The following ST6GALNAC3 variants were observed in gnomAD, a reference collection of about 807,000 sequenced individuals.
The protein encoded by ST6GALNAC3 is ST6 N-acetylgalactosaminide alpha-2,6-sialyltransferase 3.
ST6GALNAC3 carries 25 observed loss-of-function variants against 32.7 expected under a neutral mutation model. That is an observed-to-expected ratio of 0.76 (90% CI 0.56 to 1.07). The LOEUF (loss-of-function observed/expected upper bound fraction) is 1.07, where lower values mean the gene tolerates loss of function less well. Ranked by LOEUF, ST6GALNAC3 falls within the 50% of genes least tolerant of loss-of-function variation. ST6GALNAC3 has a pLI of 0.00. For missense variants in ST6GALNAC3, 355 were observed against 382.4 expected (o/e 0.93, Z 0.60); for synonymous variants, 129 against 133.1 (o/e 0.97, Z 0.21).
At chr1:76,525,797 A>ATATATACATATATATATATATATACG (rs1662859307) in intron 3 of ST6GALNAC3, among the ~76,000 whole-genome samples, 1 of 55,144 alleles carries the variant, frequency 1.8e-5, no homozygotes, top group Non-Finnish European at 3.2e-5. Flanking sequence ...GTGTGTATAT[A>ATATATACATATATATATATATATACG]TATATATATA....
chr1:76,572,834 G>A (rs1458940306), intron 3 of ST6GALNAC3, among the ~76,000 whole-genome samples: 1 of 152,056 alleles, frequency 6.6e-6, no homozygotes, highest in Admixed American at 6.6e-5. Context: ...GCTTGTCAAA[G>A]GTATTGTTAG....
At chr1:76,600,261 G>A (rs950659435) in intron 3 of ST6GALNAC3, among the ~76,000 whole-genome samples, 1 of 152,128 alleles carries the variant, frequency 6.6e-6, no homozygotes, top group African/African-American at 2.4e-5. Context: ...TGTAGGCACC[G>A]TCATCTCAGA....
At chr1:76,350,119 G>GTT (rs536534126) in intron 2 of ST6GALNAC3, among the ~76,000 whole-genome samples, 200 of 151,616 alleles carry the variant, frequency 1.3e-3, no homozygotes, top group African/African-American at 4.3e-3. Context: ...ATTTCTGTTG[G>GTT]TTTTTTTTCA....
At chr1:76,607,462 C>T (rs531530023) in intron 3 of ST6GALNAC3, among the ~76,000 whole-genome samples, 1 of 152,224 alleles carries the variant, frequency 6.6e-6, no homozygotes, top group East Asian at 1.9e-4. Context: ...GGCAACTAGC[C>T]CTATCCTGAA....
intron 3 of ST6GALNAC3, among the ~76,000 whole-genome samples, chr1:76,549,337 T>G (rs1434635704): frequency 6.6e-6 from 1 of 152,106 alleles, no homozygotes; most frequent in Admixed American, 6.6e-5. Context: ...TGAATTTGAG[T>G]TTACCAGTCT....
chr1:76,105,173 T>C (rs1014066509), intron 1 of ST6GALNAC3, among the ~76,000 whole-genome samples: 1 of 151,346 alleles, frequency 6.6e-6, no homozygotes, highest in African/African-American at 2.4e-5. Context: ...GTCCAAATAT[T>C]CCCCCATCAC....
At chr1:76,385,326 A>T (rs1652013966) in intron 2 of ST6GALNAC3, among the ~76,000 whole-genome samples, 1 of 152,104 alleles carries the variant, frequency 6.6e-6, no homozygotes, top group Admixed American at 6.6e-5. Flanking sequence ...ATGGAACTAG[A>T]TATAACCACT....
chr1:76,300,868 AGAG>A (rs1311488430), intron 1 of ST6GALNAC3, among the ~76,000 whole-genome samples: 1 of 152,034 alleles, frequency 6.6e-6, no homozygotes, highest in African/African-American at 2.4e-5. Context: ...ACGGTTTCAC[AGAG>A]GAGACAACAT....
intron 3 of ST6GALNAC3, among the ~76,000 whole-genome samples, chr1:76,482,660 A>G (rs1249493899): frequency 1.3e-5 from 2 of 152,178 alleles, no homozygotes; most frequent in Non-Finnish European, 2.9e-5. Context: ...TAACTTGACA[A>G]GAGTCACCCA....
intron 1 of ST6GALNAC3, among the ~76,000 whole-genome samples, chr1:76,189,304 G>A (rs1653758975): frequency 6.6e-6 from 1 of 152,182 alleles, no homozygotes; most frequent in Non-Finnish European, 1.5e-5. Flanking sequence ...CTTTGCCTAT[G>A]GTTACCACCA....
chr1:76,115,497 T>C (rs768563158), intron 1 of ST6GALNAC3, among the ~76,000 whole-genome samples: 14 of 152,234 alleles, frequency 9.2e-5, no homozygotes, highest in Admixed American at 3.9e-4. Flanking sequence ...TCTTAAGCAA[T>C]GATCATTTGG....
Position 76,632,365 on chromosome 1 carries a change from A to G in ST6GALNAC3, c.*3559A>G, listed in dbSNP as rs1649340956. ...ACAAATCAGACTTGTAAGTATAGCA[A>G]TCTGTATTGTAGGTTCTGCCGATTG... On this transcript the variant is annotated 3_prime_UTR_variant, in exon 5 of 5. Coordinates refer to ENST00000328299, the MANE Select transcript of ST6GALNAC3 (RefSeq NM_152996.4). 2 of 152,158 alleles carry G rather than the reference A, an allele frequency of 1.3e-5. No individual in the cohort carries two copies. The highest frequency in any genetic ancestry group is 2.1e-4 in the South Asian group (1 of 4,824). 9.4% of individuals were successfully genotyped at this position (152,158 alleles called of 1,614,324 possible).
At chr1:76,501,463 C>T (rs559437063) in intron 3 of ST6GALNAC3, among the ~76,000 whole-genome samples, 11 of 152,156 alleles carry the variant, frequency 7.2e-5, no homozygotes, top group African/African-American at 2.2e-4. Context: ...TTTCTTTTTT[C>T]GTCTTCTCTT....
intron 1 of ST6GALNAC3, among the ~76,000 whole-genome samples, chr1:76,077,224 C>T (rs764299776): frequency 1.3e-5 from 2 of 151,146 alleles, no homozygotes; most frequent in Admixed American, 6.6e-5. Flanking sequence ...ATAACCATTG[C>T]GTTACAGGGT....
At chr1:76,570,999 T>G (rs1221965573) in intron 3 of ST6GALNAC3, among the ~76,000 whole-genome samples, 3 of 152,032 alleles carry the variant, frequency 2.0e-5, no homozygotes, top group Non-Finnish European at 4.4e-5. Flanking sequence ...TGTCCAAAAT[T>G]AGCCCCTCCT....
At chr1:76,384,264 A>T (rs1308847549) in intron 2 of ST6GALNAC3, among the ~76,000 whole-genome samples, 2 of 152,186 alleles carry the variant, frequency 1.3e-5, no homozygotes, top group Non-Finnish European at 2.9e-5. Flanking sequence ...GGCATTATAG[A>T]TTTTAAGGAA....
intron 3 of ST6GALNAC3, among the ~76,000 whole-genome samples, chr1:76,493,825 A>G (rs960583572): frequency 6.6e-6 from 1 of 152,114 alleles, no homozygotes; most frequent in Non-Finnish European, 1.5e-5. Flanking sequence ...ATCTTTTTCA[A>G]ATTGGAAGCA....
At chr1:76,514,715 C>A (rs1161749477) in intron 3 of ST6GALNAC3, among the ~76,000 whole-genome samples, 1 of 152,150 alleles carries the variant, frequency 6.6e-6, no homozygotes, top group Non-Finnish European at 1.5e-5. Context: ...TCTCAGCTTG[C>A]AGAACTATGA....
intron 1 of ST6GALNAC3, among the ~76,000 whole-genome samples, chr1:76,285,385 GGT>G (rs140357874): frequency 0.12 from 17,623 of 148,348 alleles, 1,102 homozygotes; most frequent in Middle Eastern, 0.18. Context: ...TCGGGAGGAT[GGT>G]GTGTGTGTGT....
Sources: gnomAD v4.1 joint callset for allele counts (sites outside exome capture counted in the v4.1 genomes callset) on GRCh38, gnomAD v4.1.1 for gene constraint, MANE v1.5 for transcripts, NCBI Gene and HGNC (gene_info 2026-07-23, HGNC 2026-07-21) for gene names.